Variants in WWOX observed in about 807,000 individuals in gnomAD.
WWOX encodes the protein WW domain-containing oxidoreductase.
In WWOX, 69 loss-of-function variants were observed where a neutral mutation model predicts 46.2. The observed-to-expected ratio is 1.49, with a 90% CI of 1.23 to 1.82. WWOX has a LOEUF of 1.82. WWOX is among the 40% of genes most tolerant of loss of function. The probability of loss-of-function intolerance (pLI) is 0.00; values close to 1 mark genes in which losing one functional copy is unlikely to be tolerated. For synonymous variants in WWOX, 359 were observed against 202.6 expected (o/e 1.77, Z -6.56); for missense variants, 919 against 542.6 (o/e 1.69, Z -6.89).
intron 6 of WWOX, among the ~76,000 whole-genome samples, chr16:78,414,755 T>C (rs981676827): frequency 6.6e-6 from 1 of 152,172 alleles, no homozygotes; most frequent in African/African-American, 2.4e-5. Flanking sequence ...TTTCATTCAT[T>C]TTACAGGAAC....
At chr16:78,140,271 C>G (rs995616451) in intron 4 of WWOX, among the ~76,000 whole-genome samples, 5 of 152,178 alleles carry the variant, frequency 3.3e-5, no homozygotes, top group African/African-American at 1.2e-4. Flanking sequence ...TAAGCAGAAT[C>G]TACCACAGTG....
At chr16:78,543,035 G>A (rs1028928554) in intron 8 of WWOX, among the ~76,000 whole-genome samples, 1 of 152,214 alleles carries the variant, frequency 6.6e-6, no homozygotes, top group East Asian at 1.9e-4. Flanking sequence ...GGATGTGGTT[G>A]GGGAAGGGCA....
At chr16:78,338,001 A>G (rs1166641161) in intron 5 of WWOX, among the ~76,000 whole-genome samples, 1 of 120,108 alleles carries the variant, frequency 8.3e-6, no homozygotes, top group East Asian at 1.9e-4. Context: ...AACCAAGCTG[A>G]TGAGGATAGC....
intron 8 of WWOX, among the ~76,000 whole-genome samples, chr16:78,485,368 C>T (rs1167082603): frequency 6.6e-6 from 1 of 152,006 alleles, no homozygotes; most frequent in African/African-American, 2.4e-5. Flanking sequence ...CCTTTTGACT[C>T]CCTAAGGAAC....
At chr16:79,027,533 C>T (rs919321196) in intron 8 of WWOX, among the ~76,000 whole-genome samples, 1 of 151,712 alleles carries the variant, frequency 6.6e-6, no homozygotes, top group Non-Finnish European at 1.5e-5. Context: ...ATGTCCAATT[C>T]CCCGTTCTGG....
At chr16:78,596,093 G>T (rs987944376) in intron 8 of WWOX, among the ~76,000 whole-genome samples, 1 of 152,044 alleles carries the variant, frequency 6.6e-6, no homozygotes, top group African/African-American at 2.4e-5. Flanking sequence ...CTAATCATGT[G>T]TGACTATATA....
chr16:79,071,682 C>G (rs1456356299), intron 8 of WWOX, among the ~76,000 whole-genome samples: 2 of 152,236 alleles, frequency 1.3e-5, no homozygotes, highest in Non-Finnish European at 2.9e-5. Flanking sequence ...GCCTCCTGCC[C>G]CGCATTCCCC....
At chr16:78,628,427 C>T (rs1310834196) in intron 8 of WWOX, among the ~76,000 whole-genome samples, 2 of 152,062 alleles carry the variant, frequency 1.3e-5, no homozygotes, top group African/African-American at 2.4e-5. Flanking sequence ...TTGTGGGTGC[C>T]GAGAATCAGT....
chr16:79,122,042 T>A (rs561575876), intron 8 of WWOX, among the ~76,000 whole-genome samples: 1 of 152,274 alleles, frequency 6.6e-6, no homozygotes, highest in South Asian at 2.1e-4. Flanking sequence ...ACAACCCTGA[T>A]GGGTCCCAGC....
chr16:79,019,733 T>C (rs1047905410), intron 8 of WWOX, among the ~76,000 whole-genome samples: 8 of 151,972 alleles, frequency 5.3e-5, no homozygotes, highest in African/African-American at 1.7e-4. Flanking sequence ...CCTCTGGGTC[T>C]TGGTTAGTGG....
At chr16:78,886,956 A>C (rs2044471245) in intron 8 of WWOX, among the ~76,000 whole-genome samples, 2 of 152,030 alleles carry the variant, frequency 1.3e-5, no homozygotes, top group Admixed American at 6.6e-5. Flanking sequence ...TAAAATTCTT[A>C]AAGTTTATAG....
At chr16:78,883,539 C>G (rs917458396) in intron 8 of WWOX, among the ~76,000 whole-genome samples, 1 of 152,072 alleles carries the variant, frequency 6.6e-6, no homozygotes, top group Non-Finnish European at 1.5e-5. Flanking sequence ...GCCTGGCGAA[C>G]ATGGCAAAAC....
chr16:78,169,460 T>C (rs1047889411), intron 5 of WWOX, among the ~76,000 whole-genome samples: 3 of 81,582 alleles, frequency 3.7e-5, no homozygotes, highest in African/African-American at 1.6e-4. Flanking sequence ...TGTCTTGAGA[T>C]CTCAGGACCT....
intron 8 of WWOX, among the ~76,000 whole-genome samples, chr16:78,902,871 A>G (rs2044864763): frequency 6.6e-6 from 1 of 152,190 alleles, no homozygotes. Context: ...TCTAAAATAC[A>G]AGGGAAAAGA....
At chr16:78,790,378 G>A (rs991343786) in intron 8 of WWOX, among the ~76,000 whole-genome samples, 1 of 151,984 alleles carries the variant, frequency 6.6e-6, no homozygotes, top group African/African-American at 2.4e-5. Context: ...CAAGTGATTT[G>A]CCCGCCCCAG....
At chr16:78,216,674 T>G (rs527339153) in intron 5 of WWOX, among the ~76,000 whole-genome samples, 1 of 152,136 alleles carries the variant, frequency 6.6e-6, no homozygotes, top group Non-Finnish European at 1.5e-5. Context: ...TTTTCTACCT[T>G]TAGGGATCTT....
chr16:79,008,492 C>A (rs1021742245), intron 8 of WWOX, among the ~76,000 whole-genome samples: 2 of 152,174 alleles, frequency 1.3e-5, no homozygotes, highest in Non-Finnish European at 2.9e-5. Context: ...GCCGCCCACA[C>A]TCAAGAGAGG....
intron 4 of WWOX, 43 bp from the exon 5 acceptor site, chr16:78,164,140 T>C: frequency 6.4e-7 from 1 of 1,554,786 alleles, no homozygotes; most frequent in Non-Finnish European, 8.8e-7. Flanking sequence ...ACTCACTGTG[T>C]TGATGTTATG....
intron 8 of WWOX, among the ~76,000 whole-genome samples, chr16:78,596,300 C>G (rs928001799): frequency 1.3e-5 from 2 of 152,154 alleles, no homozygotes; most frequent in Non-Finnish European, 2.9e-5. Context: ...TCCTGTCTGG[C>G]TGGGTTCTGC....
Sources: gnomAD v4.1 joint callset for allele counts (sites outside exome capture counted in the v4.1 genomes callset) on GRCh38, gnomAD v4.1.1 for gene constraint, MANE v1.5 for transcripts, NCBI Gene and HGNC (gene_info 2026-07-23, HGNC 2026-07-21) for gene names.